Variants in C12orf56 observed in about 807,000 individuals in gnomAD.
C12orf56 encodes the protein chromosome 12 open reading frame 56, also known as uncharacterized protein C12orf56.
C12orf56 carries 71 observed loss-of-function variants against 69.9 expected under a neutral mutation model. The observed-to-expected ratio is 1.02, with a 90% CI of 0.84 to 1.24. The LOEUF is 1.24. Among genes scored for constraint, C12orf56 ranks in the 50% most tolerant of loss-of-function variants. The probability of loss-of-function intolerance (pLI) is 0.00; values close to 1 mark genes in which losing one functional copy is unlikely to be tolerated. For synonymous variants in C12orf56, 276 were observed against 274.1 expected, an observed-to-expected ratio of 1.01 and a Z score of -0.07; for missense variants, 732 against 738.5, an observed-to-expected ratio of 0.99 and a Z score of 0.10.
At chr12:64,388,633 T>C (rs2039825491) in intron 1 of C12orf56, among the ~76,000 whole-genome samples, 1 of 152,192 alleles carries the variant, frequency 6.6e-6, no homozygotes, top group Non-Finnish European at 1.5e-5. Flanking sequence ...CTGTAGTGGA[T>C]CACTTGAGCC....
At position 64,267,035 on chromosome 12, in the gene C12orf56, A is replaced by G. The variant is rs748630402; in HGVS notation, c.*148T>C. On this transcript the variant is annotated 3_prime_UTR_variant, in exon 13 of 13. Transcript: ENST00000543942. ...AATTTTAAACTTCTCATAGAGAGGTATTGATGGAACATTCAATTAAAATCT... is the reference window on the plus strand; with the variant it reads ...AATTTTAAACTTCTCATAGAGAGGTGTTGATGGAACATTCAATTAAAATCT... 3.4e-6 allele frequency: 2 copies of G among 592,038 alleles called. No individual in the cohort carries two copies. Among genetic ancestry groups the G allele is most frequent in the Admixed American group, 6.9e-5 (2 of 29,030 alleles). 36.7% of individuals were successfully genotyped at this position (592,038 alleles called of 1,614,324 possible). A position where few individuals can be genotyped will look rare whatever the true frequency, so the allele number is the denominator to read the frequency against.
At chr12:64,296,935 C>T (rs1052458664) in intron 6 of C12orf56, among the ~76,000 whole-genome samples, 1 of 151,598 alleles carries the variant, frequency 6.6e-6, no homozygotes, top group African/African-American at 2.4e-5. Context: ...ACAAGAAGAC[C>T]CTCACAAGAT....
In C12orf56 at chr12:64,351,557, C is replaced by G. The variant is rs182031196; in HGVS notation, c.415+1337G>C. ...ATGAAGGGAACTCGACGGCTACTGACAGCAGGGGATATAGGGTGTACATGA... is the reference window on the plus strand; with the variant it reads ...ATGAAGGGAACTCGACGGCTACTGAGAGCAGGGGATATAGGGTGTACATGA... On this transcript the variant is annotated intron_variant, in intron 2 of 12. Coordinates refer to ENST00000543942, the MANE Select transcript of C12orf56 (RefSeq NM_001170633.2). Among the ~76,000 whole-genome samples the G allele has an allele frequency of 5.9e-4, 90 of 152,268 alleles. 1 individual carries two copies. The highest frequency in any genetic ancestry group is 8.8e-4 in the Non-Finnish European group (60 of 68,030).
At chr12:64,325,372 A>ACAAGAAG (rs1555189853) in intron 3 of C12orf56, among the ~76,000 whole-genome samples, 1 of 141,394 alleles carries the variant, frequency 7.1e-6, no homozygotes, top group South Asian at 2.3e-4. Flanking sequence ...AAAAAAAAAA[A>ACAAGAAG]AAGAAGAAGA....
intron 6 of C12orf56, among the ~76,000 whole-genome samples, chr12:64,289,421 T>C (rs1398019884): frequency 1.9e-3 from 112 of 59,258 alleles, no homozygotes; most frequent in Middle Eastern, 6.8e-3. Flanking sequence ...CATCCCTGTC[T>C]TGTGCCAGTT....
chr12:64,374,161 T>C (rs888233096), intron 1 of C12orf56, among the ~76,000 whole-genome samples: 1 of 152,194 alleles, frequency 6.6e-6, no homozygotes, highest in Non-Finnish European at 1.5e-5. Context: ...CCCAAAAGAA[T>C]TACCAGTTTT....
rs2037927484 is a variant in C12orf56, at chr12:64,267,173, T to C, written c.*10A>G. 1 of 1,548,748 alleles carries C rather than the reference T, an allele frequency of 6.5e-7. No homozygotes were observed. The highest frequency in any genetic ancestry group is 8.9e-7 in the Non-Finnish European group (1 of 1,128,062). On this transcript the variant is annotated 3_prime_UTR_variant, in exon 13 of 13. Coordinates refer to ENST00000543942, the MANE Select transcript of C12orf56 (RefSeq NM_001170633.2). The stretch of plus-strand genomic sequence containing the variant: ...TATACTCTTATTAACATTGCGTACA[T>C]TGTTTGTTTCTATTCAACCAATTTC...
At chr12:64,336,391 T>C (rs961537845) in intron 2 of C12orf56, among the ~76,000 whole-genome samples, 2 of 152,158 alleles carry the variant, frequency 1.3e-5, no homozygotes, top group African/African-American at 4.8e-5. Flanking sequence ...ACTTGCAAAG[T>C]TTCTAGGAAT....
At chr12:64,370,791 C>T (rs2135973032) in intron 1 of C12orf56, among the ~76,000 whole-genome samples, 1 of 152,246 alleles carries the variant, frequency 6.6e-6, no homozygotes, top group East Asian at 1.9e-4. Flanking sequence ...TATTATAAAG[C>T]TCTAGTAATT....
At chr12:64,337,854 CAA>C (rs748434656) in intron 2 of C12orf56, among the ~76,000 whole-genome samples, 14 of 90,718 alleles carry the variant, frequency 1.5e-4, no homozygotes, top group African/African-American at 3.4e-4. Flanking sequence ...AAAATTCTGT[CAA>C]AAAAAAAAAA....
rs1359323018 is a variant in C12orf56, at chr12:64,277,816, A to T, written c.1311-13T>A. 1 of 1,531,770 alleles carries T rather than the reference A, an allele frequency of 6.5e-7. No individual in the cohort carries two copies. The highest frequency in any genetic ancestry group is 8.8e-7 in the Non-Finnish European group (1 of 1,136,794). 94.9% of individuals were successfully genotyped at this position (1,531,770 alleles called of 1,614,324 possible). On this transcript the variant is annotated splice_polypyrimidine_tract_variant and intron_variant, in intron 8 of 12. Transcript: ENST00000543942. ...AAATAGTGCTCCCCTGGAAAAAAAT[A>T]AATAAAAGGCAATTAGTGAGCAAAG...
intron 6 of C12orf56, chr12:64,293,488 T>A (rs2038323767): frequency 6.6e-6 from 1 of 152,222 alleles, no homozygotes. Context: ...TCCCTGTCGC[T>A]CAGTTTCTTT....
At chr12:64,272,657 T>C (rs5015818) in intron 11 of C12orf56, among the ~76,000 whole-genome samples, 106,821 of 151,944 alleles carry the variant, frequency 0.7, 38,743 homozygotes, top group Non-Finnish European at 0.8. Flanking sequence ...CATCAGTCCA[T>C]GTAATAGGGT....
intron 2 of C12orf56, among the ~76,000 whole-genome samples, chr12:64,348,107 C>A (rs1252777259): frequency 4.6e-5 from 7 of 152,080 alleles, no homozygotes; most frequent in Non-Finnish European, 2.9e-5. Context: ...GGCAAAACCC[C>A]ATCTCTACTA....
chr12:64,281,291 C>T (rs375550586), intron 8 of C12orf56, among the ~76,000 whole-genome samples: 14 of 150,474 alleles, frequency 9.3e-5, no homozygotes, highest in African/African-American at 3.4e-4. Context: ...AAAAAAGAGC[C>T]CGGGTGCGGT....
At chr12:64,390,186 CAAAT>C (rs892711415) in intron 1 of C12orf56, 124 bp downstream of exon 1, 38 of 1,258,458 alleles carry the variant, frequency 3.0e-5, no homozygotes, top group Non-Finnish European at 4.0e-5. Flanking sequence ...TCCTCGTTCT[CAAAT>C]AAGAGGAGGG....
At chr12:64,344,931 C>G (rs1006900175) in intron 2 of C12orf56, among the ~76,000 whole-genome samples, 4 of 152,108 alleles carry the variant, frequency 2.6e-5, no homozygotes, top group African/African-American at 9.7e-5. Context: ...ACTATTAGAA[C>G]CTTTTTTAAC....
intron 4 of C12orf56, among the ~76,000 whole-genome samples, chr12:64,316,451 TA>T (rs1443863813): frequency 6.6e-6 from 1 of 152,144 alleles, no homozygotes; most frequent in Non-Finnish European, 1.5e-5. Flanking sequence ...TGGAGTGCAG[TA>T]GTGTGCAGCA....
chr12:64,268,281 G>C (rs1177934327), intron 12 of C12orf56, among the ~76,000 whole-genome samples: 1 of 152,080 alleles, frequency 6.6e-6, no homozygotes, highest in Non-Finnish European at 1.5e-5. Flanking sequence ...TGCACCTAAG[G>C]GGGTAGCTGC....
Sources: gnomAD v4.1 joint callset for allele counts (sites outside exome capture counted in the v4.1 genomes callset) on GRCh38, gnomAD v4.1.1 for gene constraint, MANE v1.5 for transcripts, NCBI Gene and HGNC (gene_info 2026-07-23, HGNC 2026-07-21) for gene names.